The following CRYZL1 variants were observed in gnomAD, a reference collection of about 807,000 sequenced individuals.
CRYZL1 encodes the protein crystallin zeta like 1, also known as ferry endosomal RAB5 effector complex subunit 4.
Under a neutral mutation model 50.6 loss-of-function variants are expected in CRYZL1, and 34 were observed. The observed-to-expected ratio is 0.67, with a 90% CI of 0.51 to 0.89. The LOEUF is 0.89. CRYZL1 is among the 40% of genes least tolerant of loss of function. The pLI is 0.00. For missense variants in CRYZL1, 354 were observed against 402.3 expected (o/e 0.88, Z 1.03); for synonymous variants, 125 against 134.3 (o/e 0.93, Z 0.48).
chr21:33,599,076 C>A, intron 9 of CRYZL1, 74 bp downstream of exon 9: 2 of 1,368,722 alleles, frequency 1.5e-6, no homozygotes, highest in East Asian at 2.3e-5. Context: ...TAATTATGCC[C>A]TGGTTAAATT....
chr21:33,591,423 C>G (rs2145913402), intron 11 of CRYZL1: 2 of 573,398 alleles, frequency 3.5e-6, no homozygotes, highest in Middle Eastern at 9.2e-4. Flanking sequence ...GCCTAAATTT[C>G]CAAGGACAAG....
intron 2 of CRYZL1, among the ~76,000 whole-genome samples, chr21:33,625,374 C>T (rs914400824): frequency 2.6e-5 from 4 of 152,112 alleles, no homozygotes. Context: ...CCAGGATGGT[C>T]TCGATCTCCT....
At chr21:33,599,338 A>C in intron 8 of CRYZL1, 90 bp from the exon 9 acceptor site, 1 of 1,524,852 alleles carries the variant, frequency 6.6e-7, no homozygotes, top group Non-Finnish European at 9.0e-7. Context: ...AAGCAAATAA[A>C]TATCTATTCT....
intron 2 of CRYZL1, among the ~76,000 whole-genome samples, chr21:33,625,317 A>G (rs971061852): frequency 3.4e-4 from 51 of 151,968 alleles, no homozygotes; most frequent in African/African-American, 1.2e-3. Flanking sequence ...CACCATGCCC[A>G]GCTAATTTTT....
chr21:33,634,902 TATAA>T (rs1182856597), intron 1 of CRYZL1, among the ~76,000 whole-genome samples: 20 of 136,792 alleles, frequency 1.5e-4, no homozygotes, highest in Non-Finnish European at 2.5e-4. Flanking sequence ...TATATATATA[TATAA>T]AATAATGGCA....
chr21:33,599,796 T>A (rs1486018281), intron 8 of CRYZL1, among the ~76,000 whole-genome samples: 1 of 152,084 alleles, frequency 6.6e-6, no homozygotes, highest in Non-Finnish European at 1.5e-5. Flanking sequence ...CACGCATGGC[T>A]ATTTTTTTAA....
intron 4 of CRYZL1, among the ~76,000 whole-genome samples, chr21:33,620,902 C>CT (rs1217062963): frequency 0.67 from 45,763 of 68,750 alleles, 18,932 homozygotes; most frequent in East Asian, 0.78. Flanking sequence ...GGTGTCCAAT[C>CT]TTTTTTTTTT....
intron 9 of CRYZL1, among the ~76,000 whole-genome samples, chr21:33,597,613 T>TTTA (rs1555904103): frequency 1.2e-4 from 18 of 151,024 alleles, no homozygotes; most frequent in Middle Eastern, 6.8e-3. Context: ...GCCGGCACTC[T>TTTA]CTTTTTGTTT....
intron 1 of CRYZL1, among the ~76,000 whole-genome samples, chr21:33,634,981 G>GA (rs1371527798): frequency 1.3e-5 from 2 of 151,510 alleles, no homozygotes; most frequent in Non-Finnish European, 2.9e-5. Flanking sequence ...CTGGTTGGTG[G>GA]AAAAAAGTAA....
chr21:33,589,703 C>A lies in CRYZL1; in HGVS notation c.*119G>T. The stretch of plus-strand genomic sequence containing the variant: ...TGAGCATCTTGTCTTAGCAGAGAAA[C>A]GTGCTTAAAAATGCAACTTGTTTTA... On this transcript the variant is annotated 3_prime_UTR_variant, in exon 13 of 13. Transcript: ENST00000381554. 1 of 664,454 alleles carries A rather than the reference C, an allele frequency of 1.5e-6. No individual in the cohort carries two copies. 41.2% of individuals were successfully genotyped at this position (664,454 alleles called of 1,614,324 possible).
chr21:33,616,821 A>C, intron 4 of CRYZL1, 71 bp from the exon 5 acceptor site: 1 of 1,297,920 alleles, frequency 7.7e-7, no homozygotes. Context: ...ATTAAAATAC[A>C]TTTTTAAAAT....
At chr21:33,600,682 G>A (rs1406875017) in intron 8 of CRYZL1, among the ~76,000 whole-genome samples, 1 of 150,020 alleles carries the variant, frequency 6.7e-6, no homozygotes, top group East Asian at 2.0e-4. Context: ...CTGGAGTGCA[G>A]TGGCGCGATC....
chr21:33,637,760 CAT>C (rs10536195), intron 1 of CRYZL1, among the ~76,000 whole-genome samples: 38,535 of 131,430 alleles, frequency 0.29, 5,391 homozygotes, highest in Admixed American at 0.34. Context: ...AAGAGAAAAA[CAT>C]ATATATATAT....
chr21:33,619,740 C>T (rs1462395742), intron 4 of CRYZL1, among the ~76,000 whole-genome samples: 2 of 152,128 alleles, frequency 1.3e-5, no homozygotes, highest in African/African-American at 4.8e-5. Context: ...GTACCATACC[C>T]TTGACGCCTG....
chr21:33,591,481 A>G, intron 11 of CRYZL1: 1 of 494,718 alleles, frequency 2.0e-6, no homozygotes, highest in Non-Finnish European at 3.6e-6. Flanking sequence ...AGTGCTCACC[A>G]CTATTATCTC....
At chr21:33,639,428 C>T (rs886411668) in intron 1 of CRYZL1, among the ~76,000 whole-genome samples, 6 of 152,138 alleles carry the variant, frequency 3.9e-5, no homozygotes, top group Non-Finnish European at 5.9e-5. Context: ...AACAAGGGAG[C>T]GAACGGTGTG....
At position 33,589,920 on chromosome 21, in the gene CRYZL1, G is replaced by A; in HGVS notation, c.952C>T (p.Pro318Ser). The A allele has an allele frequency of 6.4e-7, 1 of 1,567,570 alleles. No individual in the cohort carries two copies. Reference protein sequence around the residue: ...MEKLSTGVFRPQLDEPIPLYE... With the variant: ...MEKLSTGVFRSQLDEPIPLYE... ...AGTGGAATGGGTTCATCCAACTGAG[G>A]TCTGAGAAGGAATGAAATTAGAAAT... The change falls in exon 13 of 13, where the codon CCT becomes TCT. Residue 318 changes from proline to serine, a missense_variant and splice_region_variant. Pro to Ser is a moderately conservative substitution (Grantham distance 74, BLOSUM62 -1). Transcript: ENST00000381554.
intron 4 of CRYZL1, among the ~76,000 whole-genome samples, chr21:33,621,710 T>C (rs2087004828): frequency 6.6e-6 from 1 of 152,182 alleles, no homozygotes; most frequent in African/African-American, 2.4e-5. Flanking sequence ...TGTCCTGGGC[T>C]GCATGCTGGT....
chr21:33,603,255 T>C (rs1410505182), intron 7 of CRYZL1, 149 bp downstream of exon 7: 1 of 845,792 alleles, frequency 1.2e-6, no homozygotes, highest in African/African-American at 1.7e-5. Flanking sequence ...TGATAAAAGC[T>C]GCTTATTATA....
Sources: gnomAD v4.1 joint callset for allele counts (sites outside exome capture counted in the v4.1 genomes callset) on GRCh38, gnomAD v4.1.1 for gene constraint, MANE v1.5 for transcripts, NCBI Gene and HGNC (gene_info 2026-07-23, HGNC 2026-07-21) for gene names.